Variants in ZMAT4 observed in about 807,000 individuals in gnomAD.
The protein encoded by ZMAT4 is zinc finger matrin-type protein 4.
ZMAT4 carries 17 observed loss-of-function variants against 28.7 expected under a neutral mutation model. The observed-to-expected ratio is 0.59, with a 90% CI of 0.41 to 0.89. The LOEUF (loss-of-function observed/expected upper bound fraction) is 0.89, where lower values mean the gene tolerates loss of function less well. Ranked by LOEUF, ZMAT4 falls within the 40% of genes least tolerant of loss-of-function variation. ZMAT4 has a pLI of 0.00. For synonymous variants in ZMAT4, 117 were observed against 109.2 expected (o/e 1.07, Z -0.44); for missense variants, 240 against 283.8 (o/e 0.85, Z 1.11).
At chr8:40,724,239 A>C (rs1389375627) in intron 3 of ZMAT4, among the ~76,000 whole-genome samples, 1 of 152,164 alleles carries the variant, frequency 6.6e-6, no homozygotes, top group East Asian at 1.9e-4. Context: ...ACTTGGTAAT[A>C]AAATCCAAAA....
chr8:40,570,086 A>T (rs746881400), intron 6 of ZMAT4, among the ~76,000 whole-genome samples: 3 of 152,208 alleles, frequency 2.0e-5, no homozygotes, highest in Non-Finnish European at 4.4e-5. Context: ...CGTGTAATTA[A>T]TGTGAACAAC....
At chr8:40,764,305 AG>A (rs1312024584) in intron 3 of ZMAT4, among the ~76,000 whole-genome samples, 2 of 152,250 alleles carry the variant, frequency 1.3e-5, no homozygotes, top group African/African-American at 4.8e-5. Context: ...TAAAGATAAA[AG>A]CATGTGAAGA....
intron 2 of ZMAT4, among the ~76,000 whole-genome samples, chr8:40,815,132 G>A (rs1036157306): frequency 7.2e-5 from 11 of 152,000 alleles, no homozygotes; most frequent in East Asian, 1.9e-4. Context: ...AAAATTAGCC[G>A]GGTGTGGTGC....
chr8:40,737,937 T>C (rs957356328), intron 3 of ZMAT4, among the ~76,000 whole-genome samples: 1 of 152,134 alleles, frequency 6.6e-6, no homozygotes. Flanking sequence ...GTGATTAATA[T>C]GACTGCCATT....
intron 1 of ZMAT4, among the ~76,000 whole-genome samples, chr8:40,881,596 AAGAAAAG>A (rs1818270397): frequency 9.8e-6 from 1 of 102,402 alleles, no homozygotes; most frequent in African/African-American, 3.8e-5. Context: ...GAAAGAAAGA[AAGAAAAG>A]AAAAGAAAAG....
rs1374533676 is a variant in ZMAT4 at position 40,767,582 on chromosome 8, A to T, written c.192+59T>A. On this transcript the variant is annotated intron_variant, in intron 3 of 6. Coordinates refer to ENST00000297737, the MANE Select transcript of ZMAT4 (RefSeq NM_024645.3). Reference sequence around the variant, plus strand: ...ACTAGACTACAATTCCTACACCTGCAAAGTTCTCAGTACACAGAACAAATC... The same window carrying T: ...ACTAGACTACAATTCCTACACCTGCTAAGTTCTCAGTACACAGAACAAATC... 5 of 1,456,538 alleles carry T rather than the reference A, an allele frequency of 3.4e-6. No individual in the cohort carries two copies. The East Asian group carries it at 9.2e-5, about 27-fold the overall frequency. 90.2% of individuals were successfully genotyped at this position (1,456,538 alleles called of 1,614,324 possible). A position where few individuals can be genotyped will look rare whatever the true frequency, so the allele number is the denominator to read the frequency against.
chr8:40,650,115 CA>C (rs2118810021), intron 5 of ZMAT4, among the ~76,000 whole-genome samples: 1 of 152,164 alleles, frequency 6.6e-6, no homozygotes, highest in African/African-American at 2.4e-5. Context: ...AAAAACCCTT[CA>C]AAAAGTTAAT....
At chr8:40,699,377 C>A (rs991023300) in intron 3 of ZMAT4, among the ~76,000 whole-genome samples, 1 of 151,946 alleles carries the variant, frequency 6.6e-6, no homozygotes, top group Admixed American at 6.6e-5. Flanking sequence ...TATTGCAGAA[C>A]GGTGAAGTCT....
rs544197881 is a variant in ZMAT4 at position 40,567,885 on chromosome 8, C to T, written c.674+13280G>A. On this transcript the variant is annotated intron_variant, in intron 6 of 6. Coordinates refer to ENST00000297737, the MANE Select transcript of ZMAT4 (RefSeq NM_024645.3). ...ATATAGCATTTATCAAATGTCATCA[C>T]TCAGATTTAATCAGTGAATATTGAG... is the stretch of plus-strand genomic sequence containing the variant. Among the ~76,000 whole-genome samples the T allele has an allele frequency of 2.0e-5, 3 of 152,172 alleles. No homozygotes were observed. The East Asian group carries it at 5.8e-4, about 29-fold the overall frequency.
At chr8:40,829,001 C>A (rs1269132046) in intron 1 of ZMAT4, among the ~76,000 whole-genome samples, 1 of 152,036 alleles carries the variant, frequency 6.6e-6, no homozygotes, top group Non-Finnish European at 1.5e-5. Flanking sequence ...TGTCCATGGT[C>A]CTGAGGAGCC....
intron 1 of ZMAT4, among the ~76,000 whole-genome samples, chr8:40,846,197 A>G (rs1351744950): frequency 6.6e-6 from 1 of 152,134 alleles, no homozygotes; most frequent in Non-Finnish European, 1.5e-5. Flanking sequence ...AAATAAATAA[A>G]TATACTTGGC....
intron 2 of ZMAT4, among the ~76,000 whole-genome samples, chr8:40,796,653 G>A (rs568171385): frequency 1.1e-4 from 16 of 152,086 alleles, no homozygotes; most frequent in Middle Eastern, 3.2e-3. Flanking sequence ...TTCCCTCCCC[G>A]GCTCCGCCCC....
At chr8:40,814,015 C>T (rs983392649) in intron 2 of ZMAT4, among the ~76,000 whole-genome samples, 7 of 152,016 alleles carry the variant, frequency 4.6e-5, no homozygotes, top group African/African-American at 9.7e-5. Context: ...GGGCTGGGGA[C>T]GGGGTGGAGA....
At chr8:40,697,543 C>T in intron 3 of ZMAT4, 142 bp from the exon 4 acceptor site, 1 of 925,770 alleles carries the variant, frequency 1.1e-6, no homozygotes. Flanking sequence ...GCCTTGCTTT[C>T]TACTCTCTTC....
At chr8:40,764,964 G>A (rs901672519) in intron 3 of ZMAT4, among the ~76,000 whole-genome samples, 21 of 151,750 alleles carry the variant, frequency 1.4e-4, no homozygotes, top group South Asian at 2.1e-4. Flanking sequence ...CCTGAGGAGC[G>A]GGGTCTATAG....
intron 1 of ZMAT4, among the ~76,000 whole-genome samples, chr8:40,864,128 C>T (rs1211898002): frequency 1.3e-5 from 2 of 152,196 alleles, no homozygotes; most frequent in Admixed American, 6.5e-5. Flanking sequence ...CTTGGATGGA[C>T]GTAAACCAGA....
intron 1 of ZMAT4, among the ~76,000 whole-genome samples, chr8:40,878,126 A>T (rs1233319716): frequency 6.6e-6 from 1 of 152,222 alleles, no homozygotes; most frequent in Non-Finnish European, 1.5e-5. Context: ...GGCAGAAAAC[A>T]TATAGCGGCT....
chr8:40,808,475 T>C, intron 2 of ZMAT4: 3 of 436,192 alleles, frequency 6.9e-6, no homozygotes, highest in South Asian at 1.7e-5. Flanking sequence ...TTTCTAACGG[T>C]TGACAATGCA....
intron 6 of ZMAT4, among the ~76,000 whole-genome samples, chr8:40,554,802 G>A (rs1803477788): frequency 6.6e-6 from 1 of 152,100 alleles, no homozygotes; most frequent in Non-Finnish European, 1.5e-5. Context: ...TCATTTCTAT[G>A]TGTTGGTAAT....
Sources: gnomAD v4.1 joint callset for allele counts (sites outside exome capture counted in the v4.1 genomes callset) on GRCh38, gnomAD v4.1.1 for gene constraint, MANE v1.5 for transcripts, NCBI Gene and HGNC (gene_info 2026-07-23, HGNC 2026-07-21) for gene names.